WAC: variants seen among roughly 807,000 people sequenced by gnomAD.
WAC encodes the protein WW domain containing adaptor with coiled-coil, also known as WW domain-containing adapter protein with coiled-coil.
Under a neutral mutation model 79.6 loss-of-function variants are expected in WAC, and 11 were observed. The ratio of observed to expected loss-of-function variants is 0.14; its 90% CI spans 0.09 to 0.23. The LOEUF (loss-of-function observed/expected upper bound fraction) is 0.23. Ranked by LOEUF, WAC falls within the 10% of genes least tolerant of loss-of-function variation. The pLI, the probability that WAC is intolerant of heterozygous loss-of-function variation, is 1.00. For synonymous variants in WAC, 304 were observed against 276.9 expected, an observed-to-expected ratio of 1.10 and a Z score of -0.97; for missense variants, 728 against 773.5, an observed-to-expected ratio of 0.94 and a Z score of 0.70.
chr10:28,595,856 C>T lies in WAC; in HGVS notation c.734C>T (p.Pro245Leu). The change falls in exon 7 of 14, where the codon CCA becomes CTA. Residue 245 changes from proline to leucine, a missense_variant. Transcript: ENST00000354911. ...PRAETHSSST[P>L]VQHPIKPVVH... ...GCAGAGACTCACAGTAGTTCTACGC[C>T]AGTACAGCACCCCATCAAACCAGTG... The T allele has an allele frequency of 6.2e-7, 1 of 1,614,146 alleles. No homozygotes were observed.
rs1382452256 is a variant in WAC at position 28,579,238 on chromosome 10, G to T, written c.275-4161G>T. On this transcript the variant is annotated intron_variant, in intron 3 of 13. Coordinates refer to ENST00000354911, the MANE Select transcript of WAC (RefSeq NM_016628.5). ...TTGGTAATATACACAGTGCATAAAG[G>T]TACTTGACTGTATAAATGGCATTGC... Among the ~76,000 whole-genome samples the T allele has an allele frequency of 2.0e-5, 3 of 151,534 alleles. No individual in the cohort carries two copies. In the East Asian group the frequency reaches 5.8e-4, roughly 29 times the overall value.
chr10:28,584,037 G>T (rs1424848747), intron 4 of WAC, among the ~76,000 whole-genome samples: 1 of 152,170 alleles, frequency 6.6e-6, no homozygotes, highest in Non-Finnish European at 1.5e-5. Flanking sequence ...AGGTTTAAAT[G>T]AAATTTTTAA....
At chr10:28,587,589 G>A (rs2132655350) in intron 4 of WAC, among the ~76,000 whole-genome samples, 1 of 152,332 alleles carries the variant, frequency 6.6e-6, no homozygotes, top group East Asian at 1.9e-4. Flanking sequence ...TTTCGTTTAA[G>A]TCCTCAATAT....
chr10:28,566,171 C>A (rs777872145), intron 3 of WAC, among the ~76,000 whole-genome samples: 53 of 152,132 alleles, frequency 3.5e-4, no homozygotes, highest in Non-Finnish European at 7.4e-4. Context: ...AGAATACTTT[C>A]TGTCTTACTC....
At chr10:28,591,212 T>A (rs1289883415) in intron 6 of WAC, 1 of 212,746 alleles carries the variant, frequency 4.7e-6, no homozygotes, top group Non-Finnish European at 9.4e-6. Context: ...AGTCTAATAA[T>A]TGAATCATAG....
intron 1 of WAC, 71 bp downstream of exon 1, chr10:28,533,691 T>G (rs959761766): frequency 6.9e-7 from 1 of 1,454,376 alleles, no homozygotes; most frequent in South Asian, 1.2e-5. Flanking sequence ...CCTCCTTATC[T>G]GGAGCTGGCC....
chr10:28,621,441 T>C lies in WAC; in HGVS notation c.*1835T>C, dbSNP rs1455793263. On this transcript the variant is annotated 3_prime_UTR_variant, in exon 14 of 14. Transcript: ENST00000354911. Reference sequence around the variant, plus strand: ...AAAAGTTAACTGTAAGCGATAGTGTTGGTGTTTTCTAAAATACAAAAATGT... The same window carrying C: ...AAAAGTTAACTGTAAGCGATAGTGTCGGTGTTTTCTAAAATACAAAAATGT... 2.0e-5 allele frequency: 3 copies of C among 152,032 alleles called. No individual in the cohort carries two copies. 9.4% of individuals were successfully genotyped at this position (152,032 alleles called of 1,614,324 possible). A position where few individuals can be genotyped will look rare whatever the true frequency, so the allele number is the denominator to read the frequency against.
In WAC at chr10:28,535,788, TAC is replaced by T. The variant is rs748249555; in HGVS notation, c.274+33_274+34del. 2.5e-6 allele frequency: 4 copies of T among 1,570,124 alleles called. No homozygotes were observed. In the African/African-American group the frequency reaches 5.4e-5, roughly 21 times the overall value. ...TATCTTTCTTGTTGAAACTTTGACA[TAC>T]AGTTTTAACAATAGCTCTATATAAA... On this transcript the variant is annotated intron_variant, in intron 3 of 13. Coordinates refer to ENST00000354911, the MANE Select transcript of WAC (RefSeq NM_016628.5).
At chr10:28,547,157 GGAT>G (rs1478561293) in intron 3 of WAC, among the ~76,000 whole-genome samples, 3 of 152,030 alleles carry the variant, frequency 2.0e-5, no homozygotes, top group African/African-American at 7.2e-5. Flanking sequence ...CTGGCAGATG[GGAT>G]TATTTTATAG....
rs1184389640 is a variant in WAC at position 28,622,572 on chromosome 10, C to T, written c.*2966C>T. On this transcript the variant is annotated 3_prime_UTR_variant, in exon 14 of 14. Coordinates refer to ENST00000354911, the MANE Select transcript of WAC (RefSeq NM_016628.5). ...TTTCCTACGCTTTTTATTTTTCTAA[C>T]TTGTCTAACCTGATTTTAAAATGAC... 4.6e-5 allele frequency: 7 copies of T among 152,082 alleles called. No homozygotes were observed. The South Asian group carries it at 1.5e-3, about 32-fold the overall frequency. The allele number at this position is 152,082 out of a possible 1,614,324, so 9.4% of individuals were successfully genotyped here.
At chr10:28,533,696 C>T (rs1013580577) in intron 1 of WAC, 76 bp downstream of exon 1, 10 of 1,450,100 alleles carry the variant, frequency 6.9e-6, no homozygotes, top group Non-Finnish European at 8.4e-6. Flanking sequence ...TTATCTGGAG[C>T]TGGCCGGGCC....
intron 3 of WAC, among the ~76,000 whole-genome samples, chr10:28,549,208 A>AT (rs1298022917): frequency 2.3e-4 from 35 of 152,048 alleles, no homozygotes; most frequent in Admixed American, 2.2e-3. Context: ...CAAGTTTTTG[A>AT]TTTTTTATGG....
chr10:28,577,775 C>T (rs957732578), intron 3 of WAC, among the ~76,000 whole-genome samples: 40 of 152,208 alleles, frequency 2.6e-4, no homozygotes, highest in African/African-American at 9.4e-4. Context: ...GTTGAGTGTC[C>T]TCTACCATTT....
chr10:28,577,294 A>C (rs1839293240), intron 3 of WAC, among the ~76,000 whole-genome samples: 1 of 152,108 alleles, frequency 6.6e-6, no homozygotes, highest in Admixed American at 6.6e-5. Context: ...CCATGTTCTT[A>C]CCCCTAAATA....
In WAC at chr10:28,596,039, A is replaced by G; in HGVS notation, c.917A>G (p.Lys306Arg). The G allele has an allele frequency of 6.2e-7, 1 of 1,613,210 alleles. No individual in the cohort carries two copies. The highest frequency in any genetic ancestry group is 8.5e-7 in the Non-Finnish European group (1 of 1,179,516). ...SSVPAQKTER[K>R]ESTSGDKPVS... ...GTCCCTGCACAGAAAACAGAAAGAA[A>G]AGGTATGCCATTATTACTAGATGCT... The change falls in exon 7 of 14, where the codon AAA (lysine) becomes AGA (arginine). Residue 306 changes from lysine (K) to arginine (R), a missense_variant and splice_region_variant. By Grantham distance (26) the Lys-to-Arg change is conservative (BLOSUM62 2). Coordinates refer to ENST00000354911, the MANE Select transcript of WAC (RefSeq NM_016628.5).
At chr10:28,606,209 G>A (rs1840941932) in intron 7 of WAC, among the ~76,000 whole-genome samples, 1 of 152,098 alleles carries the variant, frequency 6.6e-6, no homozygotes, top group South Asian at 2.1e-4. Flanking sequence ...AGCCACCACA[G>A]CTGGCTAATT....
At chr10:28,562,672 C>T (rs1439768829) in intron 3 of WAC, among the ~76,000 whole-genome samples, 1 of 152,136 alleles carries the variant, frequency 6.6e-6, no homozygotes, top group Non-Finnish European at 1.5e-5. Flanking sequence ...TTAGGCATTT[C>T]ATTCTGTGCT....
At chr10:28,616,100 A>C (rs1339968932) in intron 11 of WAC, 73 bp from the exon 12 acceptor site, 2 of 1,243,746 alleles carry the variant, frequency 1.6e-6, no homozygotes, top group Non-Finnish European at 2.2e-6. Flanking sequence ...AAAGGTATTA[A>C]CATGCAGTTT....
chr10:28,584,204 A>C (rs902022294), intron 4 of WAC, among the ~76,000 whole-genome samples: 2 of 152,210 alleles, frequency 1.3e-5, no homozygotes, highest in African/African-American at 4.8e-5. Context: ...GGTGCTCAAC[A>C]CAGGACTCCC....
Sources: gnomAD v4.1 joint callset for allele counts (sites outside exome capture counted in the v4.1 genomes callset) on GRCh38, gnomAD v4.1.1 for gene constraint, MANE v1.5 for transcripts, NCBI Gene and HGNC (gene_info 2026-07-23, HGNC 2026-07-21) for gene names.